The following AGMO variants were observed in gnomAD, a reference collection of about 807,000 sequenced individuals.
AGMO encodes alkylglycerol monooxygenase.
In AGMO, 75 loss-of-function variants were observed where a neutral mutation model predicts 60.2. The observed-to-expected ratio is 1.25, with a 90% CI of 1.03 to 1.51. AGMO has a LOEUF of 1.51. Ranked by LOEUF, AGMO falls within the 40% of genes most tolerant of loss-of-function variation. AGMO has a pLI of 0.00. For synonymous variants in AGMO, 261 were observed against 177.1 expected (o/e 1.47, Z -3.76); for missense variants, 763 against 525.5 (o/e 1.45, Z -4.42).
At chr7:15,404,641 A>T (rs1284991653) in intron 5 of AGMO, among the ~76,000 whole-genome samples, 1 of 151,858 alleles carries the variant, frequency 6.6e-6, no homozygotes, top group African/African-American at 2.4e-5. Context: ...AGGCAACTGA[A>T]AAACTGAAAG....
intron 12 of AGMO, among the ~76,000 whole-genome samples, chr7:15,278,754 G>A (rs774468399): frequency 1.3e-5 from 2 of 152,194 alleles, no homozygotes; most frequent in East Asian, 3.9e-4. Flanking sequence ...GGGCAGCCGG[G>A]GCAGTGGTGG....
Position 15,246,947 on chromosome 7 carries a change from AG to A in AGMO, c.1264-45589del, listed in dbSNP as rs532083705. ...TCAGCCCCCAAGTAGCTGGGATTAC[AG>A]GCATGCACCACCATGCCTGGCTAAT... On this transcript the variant is annotated intron_variant, in intron 12 of 12. Transcript: ENST00000342526. 3.1e-3 allele frequency among the ~76,000 whole-genome samples: 470 copies of A among 152,258 alleles called. 1 individual carries two copies. The highest frequency in any genetic ancestry group is 4.2e-3 in the Non-Finnish European group (285 of 68,014).
At chr7:15,277,998 TAGAC>T (rs886363344) in intron 12 of AGMO, among the ~76,000 whole-genome samples, 18 of 152,102 alleles carry the variant, frequency 1.2e-4, no homozygotes, top group African/African-American at 4.1e-4. Flanking sequence ...ACATCCAAGA[TAGAC>T]AGAAATGAGA....
At chr7:15,443,420 G>A (rs1437698670) in intron 3 of AGMO, among the ~76,000 whole-genome samples, 3 of 152,096 alleles carry the variant, frequency 2.0e-5, no homozygotes, top group Non-Finnish European at 2.9e-5. Flanking sequence ...AGGGGCCAAG[G>A]GAACTTTTCT....
the AGMO span, among the ~76,000 whole-genome samples, chr7:15,184,557 A>AGG: frequency 7.9e-6 from 1 of 127,058 alleles, no homozygotes; most frequent in Admixed American, 7.6e-5. Context: ...GAAGGAAGGA[A>AGG]AAGGAGGGAG....
chr7:15,375,404 T>C (rs1364277857), intron 10 of AGMO, among the ~76,000 whole-genome samples: 5 of 146,544 alleles, frequency 3.4e-5, no homozygotes, highest in Non-Finnish European at 7.5e-5. Flanking sequence ...TTTTTTTTTT[T>C]TTTTTTTTTG....
At chr7:15,399,868 G>C (rs1233679839) in intron 5 of AGMO, among the ~76,000 whole-genome samples, 2 of 152,128 alleles carry the variant, frequency 1.3e-5, no homozygotes, top group African/African-American at 4.8e-5. Context: ...ATTCTTTCTG[G>C]ATAGTGATTT....
chr7:15,525,096 T>G (rs1002086438), intron 3 of AGMO, among the ~76,000 whole-genome samples: 1 of 152,130 alleles, frequency 6.6e-6, no homozygotes, highest in Admixed American at 6.5e-5. Context: ...TGCTTCATAA[T>G]ACTCCCTTCC....
At chr7:15,316,560 AG>A (rs1463443473) in intron 12 of AGMO, among the ~76,000 whole-genome samples, 1 of 152,146 alleles carries the variant, frequency 6.6e-6, no homozygotes, top group East Asian at 1.9e-4. Flanking sequence ...TGCTTGGCCA[AG>A]AATGGGTCAG....
At chr7:15,458,935 T>C (rs1254074673) in intron 3 of AGMO, among the ~76,000 whole-genome samples, 2 of 152,178 alleles carry the variant, frequency 1.3e-5, no homozygotes, top group East Asian at 3.9e-4. Context: ...TTCCATCATA[T>C]ATCAGATTGA....
intron 12 of AGMO, among the ~76,000 whole-genome samples, chr7:15,231,614 A>G (rs1055684284): frequency 2.0e-5 from 3 of 152,232 alleles, no homozygotes; most frequent in African/African-American, 7.2e-5. Flanking sequence ...ATCATAATCA[A>G]TTGATATGAA....
chr7:15,167,968 C>T, the AGMO span, among the ~76,000 whole-genome samples: 2 of 152,180 alleles, frequency 1.3e-5, no homozygotes, highest in African/African-American at 2.4e-5. Context: ...AAATGCTAGA[C>T]CTTGGTGAAC....
At chr7:15,548,620 A>G (rs1039263759) in intron 2 of AGMO, among the ~76,000 whole-genome samples, 47 of 152,084 alleles carry the variant, frequency 3.1e-4, no homozygotes, top group Non-Finnish European at 6.5e-4. Flanking sequence ...TAGAGAAAAA[A>G]TAATAAAAAG....
intron 4 of AGMO, among the ~76,000 whole-genome samples, chr7:15,422,705 G>C (rs780045931): frequency 8.5e-5 from 13 of 152,148 alleles, no homozygotes; most frequent in Non-Finnish European, 1.0e-4. Flanking sequence ...TCCATGGCTT[G>C]GTACGCAGTA....
At chr7:15,470,867 T>C (rs1389563995) in intron 3 of AGMO, among the ~76,000 whole-genome samples, 1 of 151,996 alleles carries the variant, frequency 6.6e-6, no homozygotes, top group Non-Finnish European at 1.5e-5. Context: ...AGCTAACACA[T>C]TTCATTTTCT....
intron 12 of AGMO, among the ~76,000 whole-genome samples, chr7:15,353,192 C>T (rs1317781582): frequency 6.6e-6 from 1 of 152,036 alleles, no homozygotes; most frequent in Non-Finnish European, 1.5e-5. Flanking sequence ...AGCTGCTGCT[C>T]GTAATTCACC....
At chr7:15,325,654 G>A (rs1355003156) in intron 12 of AGMO, among the ~76,000 whole-genome samples, 1 of 151,616 alleles carries the variant, frequency 6.6e-6, no homozygotes. Flanking sequence ...AACTTTAAAA[G>A]AAATGTCATG....
In AGMO at chr7:15,418,569, T is replaced by C. The variant is rs146442781; in HGVS notation, c.598A>G (p.Ile200Val). 6.3e-7 allele frequency: 1 copy of C among 1,588,516 alleles called. No individual in the cohort carries two copies. Among genetic ancestry groups the C allele is most frequent in the African/African-American group, 1.4e-5 (1 of 72,784 alleles). The change falls in exon 5 of 13, where the codon ATC becomes GTC. Residue 200 changes from isoleucine to valine, a missense_variant. Ile to Val is a conservative substitution (Grantham distance 29). Transcript: ENST00000342526. ...AAAAAAAGTTTTACCTCTGTATGGATCCAAAATTGGTAAAGAAGATTGAAT... is the reference window on the plus strand; with the variant it reads ...AAAAAAAGTTTTACCTCTGTATGGACCCAAAATTGGTAAAGAAGATTGAAT... ...LQFNLLYQFW[I>V]HTEVINNLGP...
chr7:15,169,834 T>C, the AGMO span, among the ~76,000 whole-genome samples: 1 of 152,186 alleles, frequency 6.6e-6, no homozygotes, highest in East Asian at 1.9e-4. Flanking sequence ...ATGAAGGAGT[T>C]TGTTTCAGTC....
Sources: allele counts gnomAD v4.1 joint callset (sites outside exome capture counted in the v4.1 genomes callset), GRCh38; gene constraint gnomAD v4.1.1; transcripts MANE v1.5; gene names NCBI Gene and HGNC (gene_info 2026-07-23, HGNC 2026-07-21).